IFT88: variants seen among roughly 807,000 people sequenced by gnomAD.
IFT88 encodes the protein intraflagellar transport protein 88 homolog.
In IFT88, 74 loss-of-function variants were observed where a neutral mutation model predicts 119.5. That is an observed-to-expected ratio of 0.62 (90% confidence interval 0.51 to 0.75). The LOEUF (loss-of-function observed/expected upper bound fraction) is 0.75. Among genes scored for constraint, IFT88 ranks in the 30% least tolerant of loss-of-function variants. The pLI, the probability that IFT88 is intolerant of heterozygous loss-of-function variation, is 0.00. For synonymous variants in IFT88, 279 were observed against 316.7 expected, an observed-to-expected ratio of 0.88 and a Z score of 1.26; for missense variants, 961 against 977.7, an observed-to-expected ratio of 0.98 and a Z score of 0.23.
At chr13:20,666,573 G>A (rs1459257534) in intron 23 of IFT88, among the ~76,000 whole-genome samples, 1 of 152,106 alleles carries the variant, frequency 6.6e-6, no homozygotes, top group African/African-American at 2.4e-5. Context: ...GGTTTAAAGG[G>A]AAAAAATGTT....
chr13:20,599,642 T>C, intron 11 of IFT88, 77 bp downstream of exon 11: 1 of 676,710 alleles, frequency 1.5e-6, no homozygotes, highest in Non-Finnish European at 2.6e-6. Flanking sequence ...TGACCTGTTT[T>C]CAGTGGGTTG....
intron 24 of IFT88, among the ~76,000 whole-genome samples, chr13:20,674,141 C>G (rs946630904): frequency 1.3e-5 from 2 of 152,166 alleles, no homozygotes; most frequent in Admixed American, 6.5e-5. Context: ...GTTCTCAGCA[C>G]AGGCCACACT....
intron 16 of IFT88, among the ~76,000 whole-genome samples, chr13:20,635,511 G>T (rs2048893568): frequency 6.6e-6 from 1 of 152,162 alleles, no homozygotes; most frequent in Non-Finnish European, 1.5e-5. Context: ...CCTTGATTAG[G>T]GCCCAGCTCT....
At chr13:20,577,822 T>G (rs1192180990) in intron 2 of IFT88, among the ~76,000 whole-genome samples, 7 of 152,140 alleles carry the variant, frequency 4.6e-5, no homozygotes, top group African/African-American at 1.7e-4. Flanking sequence ...TTTCTTTCTT[T>G]GATGCATCTT....
chr13:20,572,374 A>G (rs2036541623), intron 1 of IFT88, among the ~76,000 whole-genome samples: 1 of 152,098 alleles, frequency 6.6e-6, no homozygotes, highest in African/African-American at 2.4e-5. Flanking sequence ...GTGCACCACC[A>G]TGCCCGGCTA....
intron 24 of IFT88, among the ~76,000 whole-genome samples, chr13:20,683,200 C>T (rs1391809965): frequency 1.3e-5 from 2 of 152,178 alleles, no homozygotes; most frequent in Non-Finnish European, 2.9e-5. Context: ...GCGGCCACTG[C>T]TCTATCCAAA....
intron 16 of IFT88, 85 bp from the exon 17 acceptor site, chr13:20,638,247 G>A (rs899367825): frequency 2.1e-5 from 15 of 701,462 alleles, no homozygotes; most frequent in Non-Finnish European, 3.0e-5. Flanking sequence ...ATCTCAGAAA[G>A]TCTATTTATT....
At chr13:20,664,196 C>CTG (rs2054278436) in intron 23 of IFT88, among the ~76,000 whole-genome samples, 3 of 152,028 alleles carry the variant, frequency 2.0e-5, no homozygotes, top group Admixed American at 2.0e-4. Context: ...GAACATAAAC[C>CTG]AATTCAGGTT....
intron 24 of IFT88, among the ~76,000 whole-genome samples, chr13:20,689,653 A>T (rs915065214): frequency 4.6e-5 from 7 of 152,162 alleles, no homozygotes; most frequent in African/African-American, 1.7e-4. Context: ...TTCTTCTCAC[A>T]TACTCATTCA....
chr13:20,591,028 T>TA lies in IFT88; in HGVS notation c.264+9dup. On this transcript the variant is annotated intron_variant, in intron 5 of 25. Transcript: ENST00000351808. Reference sequence around the variant, plus strand: ...ATGACAGGGGCTATTCAGGTATCTCTATTGGATGCATGTTCATTTTGTGCC... The same window carrying TA: ...ATGACAGGGGCTATTCAGGTATCTCTAATTGGATGCATGTTCATTTTGTGCC... 6.4e-7 allele frequency: 1 copy of TA among 1,572,666 alleles called. No individual in the cohort carries two copies. The highest frequency in any genetic ancestry group is 8.7e-7 in the Non-Finnish European group (1 of 1,147,244).
chr13:20,684,927 G>A (rs1357562773), intron 24 of IFT88, among the ~76,000 whole-genome samples: 2 of 152,192 alleles, frequency 1.3e-5, no homozygotes, highest in South Asian at 2.1e-4. Flanking sequence ...CAGCTCGGTC[G>A]TGGAGACCCT....
intron 17 of IFT88, among the ~76,000 whole-genome samples, chr13:20,640,745 G>C (rs147104589): frequency 6.6e-6 from 1 of 152,088 alleles, no homozygotes; most frequent in Non-Finnish European, 1.5e-5. Context: ...CTATTGGTCT[G>C]TTTGTCTATT....
At chr13:20,687,690 A>G (rs2058073603) in intron 24 of IFT88, among the ~76,000 whole-genome samples, 1 of 152,130 alleles carries the variant, frequency 6.6e-6, no homozygotes, top group African/African-American at 2.4e-5. Context: ...AACTCCAAGT[A>G]TAGCTCTCCT....
chr13:20,639,786 C>A (rs996580464), intron 17 of IFT88, among the ~76,000 whole-genome samples: 2 of 109,456 alleles, frequency 1.8e-5, no homozygotes, highest in African/African-American at 6.7e-5. Context: ...TAAAATTTGT[C>A]TTTTTTTTTT....
chr13:20,621,360 C>T (rs2046441602), intron 14 of IFT88, among the ~76,000 whole-genome samples: 2 of 152,100 alleles, frequency 1.3e-5, no homozygotes, highest in Non-Finnish European at 2.9e-5. Flanking sequence ...AGCCACCATG[C>T]CCGGCCGAGT....
At chr13:20,625,168 CA>C (rs1240002711) in intron 14 of IFT88, among the ~76,000 whole-genome samples, 1 of 152,134 alleles carries the variant, frequency 6.6e-6, no homozygotes, top group Non-Finnish European at 1.5e-5. Context: ...GAATTGGGTT[CA>C]AATTCTTAGT....
At chr13:20,678,221 C>T (rs2056917118) in intron 24 of IFT88, among the ~76,000 whole-genome samples, 1 of 152,184 alleles carries the variant, frequency 6.6e-6, no homozygotes, top group African/African-American at 2.4e-5. Context: ...TATACAGCCT[C>T]ACCAATAACT....
intron 20 of IFT88, among the ~76,000 whole-genome samples, chr13:20,651,261 G>A (rs1348436467): frequency 1.3e-5 from 2 of 151,748 alleles, no homozygotes; most frequent in Admixed American, 6.6e-5. Context: ...ACTTTGAGTA[G>A]TATTGTTTTC....
intron 13 of IFT88, chr13:20,607,588 A>G (rs1175545994): frequency 9.4e-6 from 7 of 748,176 alleles, no homozygotes; most frequent in Non-Finnish European, 1.7e-5. Flanking sequence ...CGGATCCACC[A>G]TCTCCCGCTG....
Sources: allele counts gnomAD v4.1 joint callset (sites outside exome capture counted in the v4.1 genomes callset), GRCh38; gene constraint gnomAD v4.1.1; transcripts MANE v1.5; gene names NCBI Gene and HGNC (gene_info 2026-07-23, HGNC 2026-07-21).